MTSS2: variants seen among roughly 807,000 people sequenced by gnomAD.
MTSS2 encodes the protein protein MTSS 2.
In MTSS2, 27 loss-of-function variants were observed where a neutral mutation model predicts 67.1. The observed-to-expected ratio is 0.40, with a 90% CI of 0.30 to 0.55. The LOEUF (loss-of-function observed/expected upper bound fraction) is 0.55, where lower values mean the gene tolerates loss of function less well. Among genes scored for constraint, MTSS2 ranks in the 20% least tolerant of loss-of-function variants. The pLI, the probability that MTSS2 is intolerant of heterozygous loss-of-function variation, is 0.43. For synonymous variants in MTSS2, 624 were observed against 468.6 expected (o/e 1.33, Z -4.28); for missense variants, 1,171 against 1,067.8 (o/e 1.10, Z -1.35).
chr16:70,665,310 G>T, intron 12 of MTSS2, 156 bp downstream of exon 12: 1 of 954,970 alleles, frequency 1.0e-6, no homozygotes, highest in Non-Finnish European at 1.5e-6. Flanking sequence ...GTGACTGTAG[G>T]AAATGGCCAG....
chr16:70,678,332 C>G lies in MTSS2; in HGVS notation c.544G>C (p.Glu182Gln), dbSNP rs759709722. Residue 182 changes from glutamate (E) to glutamine (Q), a missense_variant, in exon 8 of 15, where the codon GAG becomes CAG. Coordinates refer to ENST00000338779, the MANE Select transcript of MTSS2 (RefSeq NM_138383.3). Reference protein sequence around the residue: ...NDMYLLLEETEKQAVRRALIE... With the variant: ...NDMYLLLEETQKQAVRRALIE... ...AGCGCCCGGCGCACGGCCTGCTTCT[C>G]CGTCTCCTCCAGCAGCAGGTACATG... 1 of 1,612,916 alleles carries G rather than the reference C, an allele frequency of 6.2e-7. No individual in the cohort carries two copies. Among genetic ancestry groups the G allele is most frequent in the Non-Finnish European group, 8.5e-7 (1 of 1,179,996 alleles).
In MTSS2 at chr16:70,664,616, C is replaced by A. The variant is rs561037508; in HGVS notation, c.1453G>T (p.Asp485Tyr). The A allele has an allele frequency of 6.8e-5, 109 of 1,613,016 alleles. 1 individual carries two copies. In the South Asian group the frequency reaches 1.1e-3, roughly 17 times the overall value. Residue 485 changes from aspartate to tyrosine, a missense_variant, in exon 14 of 15, where the codon GAC becomes TAC. Coordinates refer to ENST00000338779, the MANE Select transcript of MTSS2 (RefSeq NM_138383.3). The stretch of plus-strand genomic sequence containing the variant: ...GGCCTGCCTTGGGAGGGGATGGTGT[C>A]CTCAGAGCAGGAGGGCGTGGTGGTC... ...TQTTTPSCSE[D>Y]TIPSQGSDYD...
At position 70,661,643 on chromosome 16, in the gene MTSS2, G is replaced by C. The variant is rs1199045648; in HGVS notation, c.*2034C>G. ...TTGCTAAGTCGACGCAAGGGCGGCG[G>C]GGGTGGTCTCAGGGATGGACAAGGG... On this transcript the variant is annotated 3_prime_UTR_variant, in exon 15 of 15. Coordinates refer to ENST00000338779, the MANE Select transcript of MTSS2 (RefSeq NM_138383.3). 3.8e-5 allele frequency: 13 copies of C among 338,956 alleles called. No individual in the cohort carries two copies. The highest frequency in any genetic ancestry group is 7.4e-5 in the Non-Finnish European group (13 of 174,532). 21.0% of individuals were successfully genotyped at this position (338,956 alleles called of 1,614,324 possible).
chr16:70,677,248 G>A (rs1448093827), intron 9 of MTSS2, among the ~76,000 whole-genome samples: 2 of 152,228 alleles, frequency 1.3e-5, no homozygotes, highest in African/African-American at 4.8e-5. Flanking sequence ...ATGGGGTGCA[G>A]GTTGCTCCTG....
At chr16:70,668,302 A>C (rs1232002492) in intron 11 of MTSS2, among the ~76,000 whole-genome samples, 1 of 151,782 alleles carries the variant, frequency 6.6e-6, no homozygotes, top group Non-Finnish European at 1.5e-5. Flanking sequence ...CCAGCTACTC[A>C]GGAGGCTGAG....
chr16:70,685,798 G>T lies in MTSS2; in HGVS notation c.-7C>A, dbSNP rs1351633232. 1 of 1,329,696 alleles carries T rather than the reference G, an allele frequency of 7.5e-7. No homozygotes were observed. The allele number at this position is 1,329,696 out of a possible 1,614,324, so 82.4% of individuals were successfully genotyped here. A position where few individuals can be genotyped will look rare whatever the true frequency, so the allele number is the denominator to read the frequency against. On this transcript the variant is annotated 5_prime_UTR_variant, in exon 1 of 15. Coordinates refer to ENST00000338779, the MANE Select transcript of MTSS2 (RefSeq NM_138383.3). ...CCTTCTCCGCCGTCTCCATGCTCTG[G>T]CTGGGCCGGGCCGCGGCGGCGGCTA...
At chr16:70,672,852 CAAAGTGGAAGT>C in intron 11 of MTSS2, among the ~76,000 whole-genome samples, 1 of 152,180 alleles carries the variant, frequency 6.6e-6, no homozygotes, top group East Asian at 1.9e-4. Flanking sequence ...TAGAAAGAAT[CAAAGTGGAAGT>C]AAAGAGATAA....
chr16:70,667,527 A>C (rs2052762291), intron 11 of MTSS2, among the ~76,000 whole-genome samples: 2 of 152,184 alleles, frequency 1.3e-5, no homozygotes, highest in Admixed American at 1.3e-4. Flanking sequence ...AATAAACACT[A>C]AATACCTAGG....
intron 1 of MTSS2, among the ~76,000 whole-genome samples, chr16:70,682,663 G>C (rs550905849): frequency 7.1e-6 from 1 of 140,080 alleles, no homozygotes; most frequent in African/African-American, 2.7e-5. Flanking sequence ...CCCTCCCCAC[G>C]GTAACCACAT....
At chr16:70,680,921 T>A in intron 2 of MTSS2, 43 bp downstream of exon 2, 152 of 1,358,930 alleles carry the variant, frequency 1.1e-4, no homozygotes, top group Non-Finnish European at 1.5e-4. Context: ...GGGGGGGGCC[T>A]CTGCCTGCCC....
chr16:70,684,199 C>T (rs1296405947), intron 1 of MTSS2, among the ~76,000 whole-genome samples: 1 of 152,048 alleles, frequency 6.6e-6, no homozygotes, highest in East Asian at 1.9e-4. Context: ...CATCCGGAGC[C>T]AGCTCTGGGA....
chr16:70,680,918 G>GGGGGGGGGGGGGGGGGGGGCCCCCCCCC, intron 2 of MTSS2, 46 bp downstream of exon 2: 2 of 1,097,910 alleles, frequency 1.8e-6, no homozygotes, highest in Non-Finnish European at 2.7e-6. Flanking sequence ...CGGGGGGGGG[G>GGGGGGGGGGGGGGGGGGGGCCCCCCCCC]CCTCTGCCTG....
Position 70,680,784 on chromosome 16 carries a change from G to A in MTSS2, c.205+10C>T. On this transcript the variant is annotated intron_variant, in intron 3 of 14. Transcript: ENST00000338779. Reference sequence around the variant, plus strand: ...GGGCAACCCCAACCTCCAGCCACGCGCCTCCCCACCTCGGGTGTTGGTAGC... The same window carrying A: ...GGGCAACCCCAACCTCCAGCCACGCACCTCCCCACCTCGGGTGTTGGTAGC... 1.9e-6 allele frequency: 3 copies of A among 1,550,706 alleles called. No homozygotes were observed. Among genetic ancestry groups the A allele is most frequent in the Non-Finnish European group, 2.6e-6 (3 of 1,147,092 alleles).
At position 70,661,446 on chromosome 16, in the gene MTSS2, A is replaced by T; in HGVS notation, c.*2231T>A. On this transcript the variant is annotated 3_prime_UTR_variant, in exon 15 of 15. Transcript: ENST00000338779. Reference sequence around the variant, plus strand: ...TGGGGTGGGGGAATAAATTAAAAAAAGGAACGAGTTAACAACAGCACCAGG... The same window carrying T: ...TGGGGTGGGGGAATAAATTAAAAAATGGAACGAGTTAACAACAGCACCAGG... 2.7e-6 allele frequency: 1 copy of T among 376,304 alleles called. No individual in the cohort carries two copies. The highest frequency in any genetic ancestry group is 2.0e-5 in the South Asian group (1 of 50,176). 23.3% of individuals were successfully genotyped at this position (376,304 alleles called of 1,614,324 possible). A position where few individuals can be genotyped will look rare whatever the true frequency, so the allele number is the denominator to read the frequency against.
chr16:70,674,694 T>A (rs576062494), intron 10 of MTSS2, among the ~76,000 whole-genome samples, 166 bp from the exon 11 acceptor site: 96 of 152,284 alleles, frequency 6.3e-4, no homozygotes, highest in African/African-American at 2.2e-3. Context: ...ACAGGAGCTG[T>A]GTTCTGGGAC....
intron 7 of MTSS2, among the ~76,000 whole-genome samples, chr16:70,679,029 C>A (rs970264501): frequency 2.0e-5 from 3 of 152,196 alleles, no homozygotes; most frequent in Non-Finnish European, 4.4e-5. Flanking sequence ...AGGACGCAGG[C>A]CAGCCTGGTG....
intron 1 of MTSS2, 63 bp downstream of exon 1, chr16:70,685,660 C>A: frequency 9.6e-7 from 1 of 1,039,416 alleles, no homozygotes; most frequent in South Asian, 3.8e-5. Context: ...CACCCGCCGC[C>A]ACGCGTCCCC....
At chr16:70,678,450 C>A in intron 7 of MTSS2, 41 bp from the exon 8 acceptor site, 1 of 1,578,664 alleles carries the variant, frequency 6.3e-7, no homozygotes, top group Non-Finnish European at 8.6e-7. Flanking sequence ...GGGATGCCAG[C>A]CTGGCTTGCC....
intron 12 of MTSS2, 114 bp downstream of exon 12, chr16:70,665,352 G>A (rs1024651953): frequency 2.6e-6 from 3 of 1,159,986 alleles, no homozygotes; most frequent in African/African-American, 3.1e-5. Flanking sequence ...GGTGCTGTGT[G>A]CACGCACCCC....
Sources: allele counts gnomAD v4.1 joint callset (sites outside exome capture counted in the v4.1 genomes callset), GRCh38; gene constraint gnomAD v4.1.1; transcripts MANE v1.5; gene names NCBI Gene and HGNC (gene_info 2026-07-23, HGNC 2026-07-21).